FOXJ2: variants seen among roughly 807,000 people sequenced by gnomAD.
FOXJ2 encodes forkhead box J2, also known as forkhead box protein J2.
FOXJ2 carries 18 observed loss-of-function variants against 68.4 expected under a neutral mutation model. That is an observed-to-expected ratio of 0.26 (90% CI 0.18 to 0.39). FOXJ2 has a LOEUF of 0.39. Among genes scored for constraint, FOXJ2 ranks in the 10% least tolerant of loss-of-function variants. The pLI is 1.00. For missense variants in FOXJ2, 670 were observed against 726.5 expected (o/e 0.92, Z 0.89); for synonymous variants, 274 against 263.2 (o/e 1.04, Z -0.40).
intron 1 of FOXJ2, among the ~76,000 whole-genome samples, chr12:8,037,812 A>G (rs1252555622): frequency 1.3e-5 from 2 of 152,188 alleles, no homozygotes; most frequent in African/African-American, 2.4e-5. Flanking sequence ...CTACAAGTAT[A>G]CAAGTATATA....
At position 8,054,914 on chromosome 12, in the gene FOXJ2, C is replaced by T. The variant is rs746319707; in HGVS notation, c.*2064C>T. 6.6e-6 allele frequency: 1 copy of T among 152,350 alleles called. No individual in the cohort carries two copies. Among genetic ancestry groups the T allele is most frequent in the East Asian group, 1.9e-4 (1 of 5,188 alleles). 9.4% of individuals were successfully genotyped at this position (152,350 alleles called of 1,614,324 possible). A position where few individuals can be genotyped will look rare whatever the true frequency, so the allele number is the denominator to read the frequency against. ...AACCCTTTTCCTGTTCAGATCCATA[C>T]AGGATTTGCAAGGGTAGGATCATAC... is the stretch of plus-strand genomic sequence containing the variant. On this transcript the variant is annotated 3_prime_UTR_variant, in exon 11 of 11. Transcript: ENST00000162391.
At chr12:8,044,360 A>G (rs1947006345) in intron 5 of FOXJ2, among the ~76,000 whole-genome samples, 1 of 152,284 alleles carries the variant, frequency 6.6e-6, no homozygotes, top group South Asian at 2.1e-4. Flanking sequence ...GGATCACGTG[A>G]GTCCACGAGC....
At chr12:8,048,589 C>G (rs1185862825) in intron 7 of FOXJ2, 108 bp from the exon 8 acceptor site, 4 of 1,238,590 alleles carry the variant, frequency 3.2e-6, no homozygotes, top group Non-Finnish European at 4.6e-6. Context: ...AATGCAACTG[C>G]TAATCTGTAT....
intron 9 of FOXJ2, chr12:8,050,254 G>A: frequency 9.2e-7 from 1 of 1,085,826 alleles, no homozygotes; most frequent in Non-Finnish European, 1.2e-6. Flanking sequence ...GGGATTACAG[G>A]CATGAGCCAC....
chr12:8,046,797 G>T (rs1947042397), intron 6 of FOXJ2, among the ~76,000 whole-genome samples: 1 of 152,140 alleles, frequency 6.6e-6, no homozygotes, highest in African/African-American at 2.4e-5. Flanking sequence ...AACTGGTTAG[G>T]AGTCACTTTT....
chr12:8,038,662 A>C lies in FOXJ2; in HGVS notation c.-14-1157A>C, dbSNP rs763863355. 6.6e-6 allele frequency among the ~76,000 whole-genome samples: 1 copy of C among 152,280 alleles called. No individual in the cohort carries two copies. The highest frequency in any genetic ancestry group is 2.1e-4 in the South Asian group (1 of 4,830). ...CCTAGGGGTTCCTGCCAGCCTTTCT[A>C]GACCCTGCAATACAGATATCACCCA... On this transcript the variant is annotated intron_variant, in intron 1 of 10. Transcript: ENST00000162391. The surrounding 1 kb of genome is among the most constrained non-coding windows in gnomAD (Gnocchi z 5.3).
rs1946921739 is a variant in FOXJ2 at position 8,038,239 on chromosome 12, C to A, written c.-14-1580C>A. On this transcript the variant is annotated intron_variant, in intron 1 of 10. Coordinates refer to ENST00000162391, the MANE Select transcript of FOXJ2 (RefSeq NM_018416.3). The surrounding 1 kb of genome is among the most constrained non-coding windows in gnomAD (Gnocchi z 5.3). ...GGGGAGTAAGTCAGAATGCTGACCCCTAGGAGAAAGGCTTAAGGGTCAAGG... is the reference window on the plus strand; with the variant it reads ...GGGGAGTAAGTCAGAATGCTGACCCATAGGAGAAAGGCTTAAGGGTCAAGG... Among the ~76,000 whole-genome samples, 1 of 152,024 alleles carries A rather than the reference C, an allele frequency of 6.6e-6. No individual in the cohort carries two copies. The highest frequency in any genetic ancestry group is 6.6e-5 in the Admixed American group (1 of 15,256).
intron 1 of FOXJ2, among the ~76,000 whole-genome samples, chr12:8,039,314 A>C (rs1474802029): frequency 6.6e-6 from 1 of 151,934 alleles, no homozygotes; most frequent in African/African-American, 2.4e-5. Flanking sequence ...ACATCTTTAG[A>C]CGTGTTGGTG....
rs781365355 is a variant in FOXJ2, at chr12:8,047,868, C to T, written c.818-14C>T. 8 of 1,559,358 alleles carry T rather than the reference C, an allele frequency of 5.1e-6. No individual in the cohort carries two copies. In the East Asian group the frequency reaches 9.1e-5, roughly 18 times the overall value. ...ATTGCTTAAGTCACTTGCCTGCTTC[C>T]TCCCCACCTGCAGGCTTTTCTTCTC... On this transcript the variant is annotated splice_polypyrimidine_tract_variant and intron_variant, in intron 6 of 10. Transcript: ENST00000162391.
intron 2 of FOXJ2, among the ~76,000 whole-genome samples, chr12:8,042,000 C>A (rs1283700771): frequency 6.6e-6 from 1 of 152,124 alleles, no homozygotes; most frequent in South Asian, 2.1e-4. Flanking sequence ...GTCTCAGCCT[C>A]CTGAGTAGCT....
At chr12:8,039,600 A>G (rs1488664328) in intron 1 of FOXJ2, among the ~76,000 whole-genome samples, 1 of 152,158 alleles carries the variant, frequency 6.6e-6, no homozygotes, top group Admixed American at 6.5e-5. Flanking sequence ...TTACATGGAG[A>G]GGCCCCTTGG....
At chr12:8,046,898 C>A (rs1400291772) in intron 6 of FOXJ2, among the ~76,000 whole-genome samples, 2 of 152,040 alleles carry the variant, frequency 1.3e-5, no homozygotes, top group East Asian at 3.8e-4. Flanking sequence ...AGCATTTGCT[C>A]AAAAAATGAA....
chr12:8,048,240 T>A lies in FOXJ2; in HGVS notation c.1176T>A (p.Pro392=). The change falls in exon 7 of 11, where the codon CCT becomes CCA. Residue 392 remains proline (P), a synonymous_variant. Coordinates refer to ENST00000162391, the MANE Select transcript of FOXJ2 (RefSeq NM_018416.3). The stretch of plus-strand genomic sequence containing the variant: ...CCCACCCTGCCCAGCAGCCACCACC[T>A]CCACAGCCACAGGCACAAGGCCAGG... The part of the protein sequence containing the change: ...PHSHPAQQPP[P]PQPQAQGQAP... 5 of 1,600,052 alleles carry A rather than the reference T, an allele frequency of 3.1e-6. No individual in the cohort carries two copies. Among genetic ancestry groups the A allele is most frequent in the Non-Finnish European group, 4.3e-6 (5 of 1,172,984 alleles).
In FOXJ2 at chr12:8,043,981, A is replaced by C; in HGVS notation, c.508A>C (p.Ser170Arg). The stretch of plus-strand genomic sequence containing the variant: ...CCAAGACTCACCAGAACAGGAGGCA[A>C]GCAAGAGCCCACGGGGAGGCGTTGC... Reference protein sequence around the residue: ...LSQDSPEQEASKSPRGGVAGS... With the variant: ...LSQDSPEQEARKSPRGGVAGS... The change falls in exon 5 of 11, where the codon AGC becomes CGC. Residue 170 changes from serine to arginine, a missense_variant. Transcript: ENST00000162391. The C allele has an allele frequency of 6.4e-7, 1 of 1,570,990 alleles. No homozygotes were observed. The highest frequency in any genetic ancestry group is 1.2e-5 in the South Asian group (1 of 84,094).
rs999343095 is a variant in FOXJ2 at position 8,038,417 on chromosome 12, A to T, written c.-14-1402A>T. 2.0e-5 allele frequency among the ~76,000 whole-genome samples: 3 copies of T among 152,286 alleles called. No homozygotes were observed. Among genetic ancestry groups the T allele is most frequent in the East Asian group, 3.9e-4 (2 of 5,180 alleles). On this transcript the variant is annotated intron_variant, in intron 1 of 10. Transcript: ENST00000162391. The surrounding 1 kb of genome is among the most constrained non-coding windows in gnomAD (Gnocchi z 5.3). ...GTATTTTATGGATACGCTTGTGCAT[A>T]TATCTGGCTGTGGATTTAGAGATCA...
At chr12:8,047,572 T>G (rs1380347824) in intron 6 of FOXJ2, among the ~76,000 whole-genome samples, 1 of 152,022 alleles carries the variant, frequency 6.6e-6, no homozygotes, top group Non-Finnish European at 1.5e-5. Flanking sequence ...TTTTTAAAGT[T>G]CACCTGCTGG....
At position 8,033,405 on chromosome 12, in the gene FOXJ2, C is replaced by G. The variant is rs1374951164; in HGVS notation, c.-443C>G. On this transcript the variant is annotated 5_prime_UTR_variant, in exon 1 of 11. Coordinates refer to ENST00000162391, the MANE Select transcript of FOXJ2 (RefSeq NM_018416.3). ...CTTCTGGAGAGGGGAAGACCTCCCC[C>G]TCAACTTCCTCGTGCCTAGACAGTG... is the stretch of plus-strand genomic sequence containing the variant. The G allele has an allele frequency of 1.3e-5, 2 of 152,802 alleles. No individual in the cohort carries two copies. The highest frequency in any genetic ancestry group is 4.8e-5 in the African/African-American group (2 of 41,466). 9.5% of individuals were successfully genotyped at this position (152,802 alleles called of 1,614,324 possible). A position where few individuals can be genotyped will look rare whatever the true frequency, so the allele number is the denominator to read the frequency against.
chr12:8,052,400 A>G (rs982010387), intron 10 of FOXJ2, among the ~76,000 whole-genome samples: 4 of 151,868 alleles, frequency 2.6e-5, no homozygotes, highest in Non-Finnish European at 4.4e-5. Context: ...TTGAGTTTTT[A>G]GTAGAGATGG....
At chr12:8,039,203 G>GT (rs1162238539) in intron 1 of FOXJ2, among the ~76,000 whole-genome samples, 1 of 151,998 alleles carries the variant, frequency 6.6e-6, no homozygotes, top group Admixed American at 6.6e-5. Context: ...CTGTCTGCTG[G>GT]TTGTCATGTA....
Sources: gnomAD v4.1 joint callset for allele counts (sites outside exome capture counted in the v4.1 genomes callset) on GRCh38, gnomAD v4.1.1 for gene constraint, Gnocchi (gnomAD v3.1) non-coding constraint, MANE v1.5 for transcripts, NCBI Gene and HGNC (gene_info 2026-07-23, HGNC 2026-07-21) for gene names.